Variants in ASIC4 observed in about 807,000 individuals in gnomAD.
ASIC4 encodes the protein acid-sensing ion channel 4.
In ASIC4, 28 loss-of-function variants were observed where a neutral mutation model predicts 53.4. The ratio of observed to expected loss-of-function variants is 0.52; its 90% confidence interval spans 0.39 to 0.72. ASIC4 has a LOEUF of 0.72. Ranked by LOEUF, ASIC4 falls within the 30% of genes least tolerant of loss-of-function variation. The pLI is 0.00. For missense variants in ASIC4, 649 were observed against 729.7 expected, an observed-to-expected ratio of 0.89 and a Z score of 1.27; for synonymous variants, 289 against 301.4, an observed-to-expected ratio of 0.96 and a Z score of 0.43.
intron 1 of ASIC4, among the ~76,000 whole-genome samples, chr2:219,527,803 C>T (rs780136813): frequency 1.9e-4 from 29 of 152,238 alleles, no homozygotes; most frequent in African/African-American, 4.8e-4. Context: ...GGTACAAAGT[C>T]GGGATGTTTG....
In ASIC4 at chr2:219,537,867, G is replaced by T; in HGVS notation, c.1507-66G>T. 6.7e-7 allele frequency: 1 copy of T among 1,491,332 alleles called. No homozygotes were observed. Among genetic ancestry groups the T allele is most frequent in the Non-Finnish European group, 9.2e-7 (1 of 1,090,322 alleles). 92.4% of individuals were successfully genotyped at this position (1,491,332 alleles called of 1,614,324 possible). ...CCCGAGGTGACAAGGAAAGGCTGGC[G>T]GTGTGAGCCCTGGGGGCACCACTTG... On this transcript the variant is annotated intron_variant, in intron 9 of 9. Coordinates refer to ENST00000358078, the MANE Select transcript of ASIC4 (RefSeq NM_018674.6). The surrounding 1 kb of genome is among the most constrained non-coding windows in gnomAD (Gnocchi z 4.9).
In ASIC4 at chr2:219,537,823, G is replaced by C; in HGVS notation, c.1506+87G>C. On this transcript the variant is annotated intron_variant, in intron 9 of 9. Coordinates refer to ENST00000358078, the MANE Select transcript of ASIC4 (RefSeq NM_018674.6). The surrounding 1 kb of genome is among the most constrained non-coding windows in gnomAD (Gnocchi z 4.9). Reference sequence around the variant, plus strand: ...CATTGTTTCTGAACCAGCCTGTGGAGGGGGCCCTGGAGCCTCTGCCCGAGG... The same window carrying C: ...CATTGTTTCTGAACCAGCCTGTGGACGGGGCCCTGGAGCCTCTGCCCGAGG... 2 of 1,514,122 alleles carry C rather than the reference G, an allele frequency of 1.3e-6. No homozygotes were observed. The highest frequency in any genetic ancestry group is 1.8e-6 in the Non-Finnish European group (2 of 1,109,398). The allele number at this position is 1,514,122 out of a possible 1,614,324, so 93.8% of individuals were successfully genotyped here. A position where few individuals can be genotyped will look rare whatever the true frequency, so the allele number is the denominator to read the frequency against.
Position 219,532,386 on chromosome 2 carries a change from C to T in ASIC4, c.927C>T (p.Gly309=), listed in dbSNP as rs1695057036. Residue 309 remains glycine (G), a synonymous_variant, in exon 4 of 10, where the codon GGC becomes GGT. Coordinates refer to ENST00000358078, the MANE Select transcript of ASIC4 (RefSeq NM_018674.6). ...ESELREPELQ[G]YSAYSVSACR... The stretch of plus-strand genomic sequence containing the variant: ...AGCTCAGGGAGCCTGAGCTTCAGGG[C>T]TACTCGGCCTACAGTGTGTCTGCCT... The T allele has an allele frequency of 1.2e-6, 2 of 1,614,010 alleles. No homozygotes were observed. The highest frequency in any genetic ancestry group is 1.7e-6 in the Non-Finnish European group (2 of 1,180,006).
chr2:219,510,954 G>A (rs1694693570), upstream of ASIC4, among the ~76,000 whole-genome samples: 1 of 151,948 alleles, frequency 6.6e-6, no homozygotes, highest in Admixed American at 6.5e-5. The surrounding 1 kb of genome is among the most constrained non-coding windows in gnomAD (Gnocchi z 5.2). Flanking sequence ...TGCACAGCCC[G>A]TTTGTCACCG....
intron 1 of ASIC4, among the ~76,000 whole-genome samples, chr2:219,520,928 G>A (rs1694874355): frequency 1.3e-5 from 2 of 152,300 alleles, no homozygotes; most frequent in South Asian, 4.1e-4. Context: ...GCATGGCTGG[G>A]TCTTCCAGTC....
Position 219,537,677 on chromosome 2 carries a change from C to G in ASIC4, c.1447C>G (p.Pro483Ala), listed in dbSNP as rs1304835811. ...LKRVWRRPKTPLRTSTGGIST... is the reference protein window; with the variant it reads ...LKRVWRRPKTALRTSTGGIST... ...GCGGGTATGGAGGCGTCCCAAGACC[C>G]CCCTGCGGACCTCCACTGGGGGCAT... Residue 483 changes from proline to alanine, a missense_variant, in exon 9 of 10, where the codon CCC becomes GCC. Physicochemically the swap from Pro to Ala is conservative, Grantham distance 27 (BLOSUM62 -1). Transcript: ENST00000358078. This position sits in a 1 kb window ranked among gnomAD's most constrained non-coding sequence, Gnocchi z 4.9. 1 of 1,613,960 alleles carries G rather than the reference C, an allele frequency of 6.2e-7. No homozygotes were observed. Among genetic ancestry groups the G allele is most frequent in the East Asian group, 2.2e-5 (1 of 44,890 alleles).
At chr2:219,509,884 C>T (rs1377253861), upstream of ASIC4, among the ~76,000 whole-genome samples, 1 of 152,128 alleles carries the variant, frequency 6.6e-6, no homozygotes, top group Non-Finnish European at 1.5e-5. This position sits in a 1 kb window ranked among gnomAD's most constrained non-coding sequence, Gnocchi z 5.2. Flanking sequence ...CTCAGTCTAG[C>T]CTTCAGCTCA....
intron 1 of ASIC4, among the ~76,000 whole-genome samples, chr2:219,524,179 G>A (rs1011148736): frequency 1.3e-5 from 2 of 152,234 alleles, no homozygotes; most frequent in Non-Finnish European, 2.9e-5. Context: ...CTCCTTGAGG[G>A]CAGAGGCTGT....
At position 219,515,321 on chromosome 2, in the gene ASIC4, C is replaced by T; in HGVS notation, c.582+15C>T. 1 of 1,595,924 alleles carries T rather than the reference C, an allele frequency of 6.3e-7. No homozygotes were observed. The highest frequency in any genetic ancestry group is 8.5e-7 in the Non-Finnish European group (1 of 1,170,358). On this transcript the variant is annotated intron_variant, in intron 1 of 9. Coordinates refer to ENST00000358078, the MANE Select transcript of ASIC4 (RefSeq NM_018674.6). The stretch of plus-strand genomic sequence containing the variant: ...ACTTCTCTGTGGTGAGTTCTGCCAG[C>T]TGGGCTGCCTGGCCTTGGATGGCCG...
upstream of ASIC4, among the ~76,000 whole-genome samples, chr2:219,509,614 G>A (rs1166415033): frequency 6.6e-6 from 1 of 152,074 alleles, no homozygotes; most frequent in Non-Finnish European, 1.5e-5. This position sits in a 1 kb window ranked among gnomAD's most constrained non-coding sequence, Gnocchi z 5.2. Context: ...TGGAGGGAGT[G>A]GGGGACCTCA....
chr2:219,527,895 G>C (rs986018568), intron 1 of ASIC4, among the ~76,000 whole-genome samples: 1 of 152,250 alleles, frequency 6.6e-6, no homozygotes, highest in Non-Finnish European at 1.5e-5. Flanking sequence ...GAGGGAAACA[G>C]GACTCCTGGT....
Position 219,515,102 on chromosome 2 carries a change from G to A in ASIC4, c.378G>A (p.Ser126=), listed in dbSNP as rs764640541. 7 of 1,613,934 alleles carry A rather than the reference G, an allele frequency of 4.3e-6. No individual in the cohort carries two copies. The highest frequency in any genetic ancestry group is 4.0e-5 in the African/African-American group (3 of 74,928). Residue 126 remains serine, a synonymous_variant, in exon 1 of 10, where the codon TCG becomes TCA. Transcript: ENST00000358078. The part of the protein sequence containing the change: ...TLCNINRFRH[S]ALSDADIFHL... ...GCAATATCAACCGCTTCCGGCATTC[G>A]GCACTCAGCGATGCCGACATCTTCC... is the stretch of plus-strand genomic sequence containing the variant.
intron 1 of ASIC4, among the ~76,000 whole-genome samples, chr2:219,526,761 T>C (rs1206479280): frequency 1.3e-5 from 2 of 152,016 alleles, no homozygotes; most frequent in African/African-American, 4.8e-5. Context: ...GACCTGAGTG[T>C]CAGTGTACAG....
At chr2:219,530,510 G>A (rs1695025898) in intron 1 of ASIC4, among the ~76,000 whole-genome samples, 1 of 152,278 alleles carries the variant, frequency 6.6e-6, no homozygotes, top group Non-Finnish European at 1.5e-5. Flanking sequence ...GCTCATTGAG[G>A]GAGATGGACA....
At chr2:219,529,657 CTGTGTGACTT>C (rs763349443) in intron 1 of ASIC4, among the ~76,000 whole-genome samples, 3 of 152,156 alleles carry the variant, frequency 2.0e-5, no homozygotes, top group Non-Finnish European at 4.4e-5. Context: ...TTCTTCCCAG[CTGTGTGACTT>C]TGGACGTCAC....
chr2:219,509,067 G>C, the ASIC4 span, among the ~76,000 whole-genome samples: 2 of 151,862 alleles, frequency 1.3e-5, no homozygotes, highest in African/African-American at 2.4e-5. This position sits in a 1 kb window ranked among gnomAD's most constrained non-coding sequence, Gnocchi z 5.2. Flanking sequence ...ACACAGACTT[G>C]GGGGAGGCTG....
chr2:219,521,402 C>G (rs146100568), intron 1 of ASIC4, among the ~76,000 whole-genome samples: 1 of 152,252 alleles, frequency 6.6e-6, no homozygotes, highest in Non-Finnish European at 1.5e-5. Context: ...TCTGTCTCCC[C>G]TGCCCGCACT....
chr2:219,532,534 C>T (rs538557789), intron 4 of ASIC4, 57 bp downstream of exon 4: 1 of 1,575,870 alleles, frequency 6.3e-7, no homozygotes, highest in Non-Finnish European at 8.6e-7. Context: ...TCCAGAGCCT[C>T]CCGGGGCAAG....
chr2:219,532,830 G>T (rs549428388), intron 4 of ASIC4, 53 bp from the exon 5 acceptor site: 6 of 1,543,234 alleles, frequency 3.9e-6, no homozygotes, highest in African/African-American at 1.4e-5. Context: ...TTGGGCGTGT[G>T]GGGGACAGGG....
Sources: gnomAD v4.1 joint callset for allele counts (sites outside exome capture counted in the v4.1 genomes callset) on GRCh38, gnomAD v4.1.1 for gene constraint, Gnocchi (gnomAD v3.1) non-coding constraint, MANE v1.5 for transcripts, NCBI Gene and HGNC (gene_info 2026-07-23, HGNC 2026-07-21) for gene names.